Variants in ACSM2A observed in about 807,000 individuals in gnomAD.
The protein encoded by ACSM2A is acyl-CoA synthetase medium chain family member 2A, also known as acyl-coenzyme A synthetase ACSM2A, mitochondrial.
A neutral mutation model predicts 76.6 loss-of-function variants in ACSM2A; 72 were observed. That is an observed-to-expected ratio of 0.94 (90% CI 0.78 to 1.14). The LOEUF is 1.14. ACSM2A is among the 50% of genes most tolerant of loss of function. The pLI is 0.00. For missense variants in ACSM2A, 684 were observed against 708.5 expected, an observed-to-expected ratio of 0.97 and a Z score of 0.39; for synonymous variants, 249 against 255.9, an observed-to-expected ratio of 0.97 and a Z score of 0.26.
intron 1 of ACSM2A, chr16:20,453,114 G>A (rs1309207220): frequency 6.6e-6 from 1 of 151,984 alleles, no homozygotes; most frequent in Non-Finnish European, 1.5e-5. Context: ...AACTGAAATT[G>A]TGGAAAAATA....
At chr16:20,480,375 A>G (rs538753030) in intron 10 of ACSM2A, among the ~76,000 whole-genome samples, 198 bp from the exon 11 acceptor site, 1 of 152,332 alleles carries the variant, frequency 6.6e-6, no homozygotes, top group Admixed American at 6.5e-5. Context: ...CCCTGGGTGG[A>G]ATAACTTCAA....
At chr16:20,462,331 G>T (rs770374805) in intron 2 of ACSM2A, among the ~76,000 whole-genome samples, 1 of 152,152 alleles carries the variant, frequency 6.6e-6, no homozygotes, top group Admixed American at 6.5e-5. Context: ...TCACAAAGGG[G>T]TTTAGGTCCC....
At chr16:20,474,499 T>C (rs1190019377) in intron 6 of ACSM2A, among the ~76,000 whole-genome samples, 4 of 152,198 alleles carry the variant, frequency 2.6e-5, no homozygotes, top group Non-Finnish European at 5.9e-5. Flanking sequence ...CTTCTTGACC[T>C]TGGACTTTCC....
At chr16:20,469,883 T>G (rs1280052058) in intron 4 of ACSM2A, among the ~76,000 whole-genome samples, 164 bp downstream of exon 4, 19 of 148,616 alleles carry the variant, frequency 1.3e-4, no homozygotes, top group African/African-American at 4.1e-4. Flanking sequence ...TTTTTTTTTT[T>G]TTTTTTTTTT....
Position 20,483,163 on chromosome 16 carries a change from A to T in ACSM2A, c.1615A>T (p.Lys539Ter). The T allele has an allele frequency of 1.9e-6, 3 of 1,613,902 alleles. No individual in the cohort carries two copies. The highest frequency in any genetic ancestry group is 2.5e-6 in the Non-Finnish European group (3 of 1,179,888). Residue 539 changes from lysine (K) to a stop codon, truncating the protein, a stop_gained, in exon 13 of 14, where the codon AAG becomes TAG. Coordinates refer to ENST00000573854, the MANE Select transcript of ACSM2A (RefSeq NM_001308172.2). LOFTEE classifies it high-confidence loss of function. The stretch of plus-strand genomic sequence containing the variant: ...TGTGAAGTCAGTGACAGCCCCATAC[A>T]AGTACCCAAGAAAGGTAAGGCCTTT... ...QHVKSVTAPY[K>*]YPRKIEFVLN... is the part of the protein sequence containing the mutation.
chr16:20,471,937 C>G (rs1323484624), intron 6 of ACSM2A, among the ~76,000 whole-genome samples: 1 of 152,154 alleles, frequency 6.6e-6, no homozygotes, highest in Non-Finnish European at 1.5e-5. Context: ...CATTTGTTCA[C>G]TCAACAAATG....
intron 1 of ACSM2A, among the ~76,000 whole-genome samples, chr16:20,459,727 G>C (rs2012486836): frequency 1.3e-5 from 2 of 152,152 alleles, no homozygotes. Flanking sequence ...AAATGCACTG[G>C]GAAGTCACTT....
chr16:20,487,344 T>A lies in ACSM2A; in HGVS notation c.*666T>A, dbSNP rs2014431010. 6.6e-6 allele frequency: 1 copy of A among 152,252 alleles called. No individual in the cohort carries two copies. The highest frequency in any genetic ancestry group is 2.4e-5 in the African/African-American group (1 of 41,438). The allele number at this position is 152,252 out of a possible 1,614,324, so 9.4% of individuals were successfully genotyped here. A position where few individuals can be genotyped will look rare whatever the true frequency, so the allele number is the denominator to read the frequency against. Reference sequence around the variant, plus strand: ...GAAGGAAATGAAAGGCCGTGGCACCTTCTTATACCCTAGAAGAAGACCTCC... The same window carrying A: ...GAAGGAAATGAAAGGCCGTGGCACCATCTTATACCCTAGAAGAAGACCTCC... On this transcript the variant is annotated 3_prime_UTR_variant, in exon 14 of 14. Coordinates refer to ENST00000573854, the MANE Select transcript of ACSM2A (RefSeq NM_001308172.2).
chr16:20,484,779 A>G (rs1224294429), intron 13 of ACSM2A, among the ~76,000 whole-genome samples: 2 of 152,188 alleles, frequency 1.3e-5, no homozygotes, highest in Admixed American at 6.5e-5. Context: ...CAGGTGGATC[A>G]GGTATAGATG....
chr16:20,478,426 G>C (rs764045898), intron 9 of ACSM2A, 150 bp from the exon 10 acceptor site: 7 of 821,460 alleles, frequency 8.5e-6, no homozygotes, highest in Non-Finnish European at 1.3e-5. Flanking sequence ...CTGAGTTTAA[G>C]ACTCTTGGGT....
chr16:20,475,991 G>A, intron 8 of ACSM2A: 2 of 1,219,218 alleles, frequency 1.6e-6, no homozygotes, highest in Non-Finnish European at 2.1e-6. Context: ...GTGAGATTTG[G>A]GGAGAGAGAA....
At chr16:20,480,728 G>C in intron 11 of ACSM2A, 28 bp downstream of exon 11, 6 of 1,607,236 alleles carry the variant, frequency 3.7e-6, no homozygotes, top group Non-Finnish European at 5.1e-6. Context: ...GTTGGGAAGG[G>C]AAATCTGGGT....
chr16:20,470,799 T>C, intron 4 of ACSM2A: 1 of 616,692 alleles, frequency 1.6e-6, no homozygotes, highest in Non-Finnish European at 3.0e-6. Flanking sequence ...TAAGACTTGA[T>C]CTCACTTTTT....
At chr16:20,471,429 A>G (rs2271061) in intron 5 of ACSM2A, 107 bp from the exon 6 acceptor site, 477,970 of 1,498,942 alleles carry the variant, frequency 0.32, 86,382 homozygotes, top group East Asian at 0.81. Context: ...GCAGATACAC[A>G]CACACCTCTG....
intron 13 of ACSM2A, 144 bp from the exon 14 acceptor site, chr16:20,486,430 T>C (rs1289960576): frequency 2.8e-5 from 23 of 825,940 alleles, no homozygotes; most frequent in South Asian, 1.4e-4. Flanking sequence ...CCCAGAGCAC[T>C]TTCTGAAGCT....
intron 1 of ACSM2A, among the ~76,000 whole-genome samples, chr16:20,452,651 T>G (rs2011846631): frequency 7.0e-6 from 1 of 142,434 alleles, no homozygotes; most frequent in Non-Finnish European, 1.5e-5. Context: ...TAGAGAACCC[T>G]GACTAATACA....
rs1567365569 is a variant in ACSM2A, at chr16:20,469,870, G to GTTT, written c.596+152_596+153insTTT. 42 of 617,862 alleles carry GTTT rather than the reference G, an allele frequency of 6.8e-5. 1 individual carries two copies. The highest frequency in any genetic ancestry group is 1.5e-4 in the African/African-American group (7 of 46,072). The allele number at this position is 617,862 out of a possible 1,614,324, so 38.3% of individuals were successfully genotyped here. A position where few individuals can be genotyped will look rare whatever the true frequency, so the allele number is the denominator to read the frequency against. ...GGAAGAAATAAAAGCTAACACAAGG[G>GTTT]TATTTTTTTTTTTTTTTTTTTTTTT... On this transcript the variant is annotated intron_variant, in intron 4 of 13. Transcript: ENST00000573854.
In ACSM2A at chr16:20,480,836, C is replaced by G. The variant is rs748455504; in HGVS notation, c.1424C>G (p.Pro475Arg). The G allele has an allele frequency of 1.2e-6, 2 of 1,613,842 alleles. No individual in the cohort carries two copies. Among genetic ancestry groups the G allele is most frequent in the Non-Finnish European group, 1.7e-6 (2 of 1,179,852 alleles). Reference protein sequence around the residue: ...IINSSGYRIGPSEVENALMEH... With the variant: ...IINSSGYRIGRSEVENALMEH... ...TTCTTCTGCAGGTACCGGATTGGACCCTCGGAGGTAGAGAATGCACTGATG... is the reference window on the plus strand; with the variant it reads ...TTCTTCTGCAGGTACCGGATTGGACGCTCGGAGGTAGAGAATGCACTGATG... Residue 475 changes from proline (P) to arginine (R), a missense_variant, in exon 12 of 14, where the codon CCC (proline) becomes CGC (arginine). This residue lies in a region of ACSM2A where 159 missense variants were observed against 132.5 expected (regional missense o/e 1.20). Transcript: ENST00000573854.
chr16:20,472,322 C>A (rs2013466124), intron 6 of ACSM2A, among the ~76,000 whole-genome samples: 1 of 152,122 alleles, frequency 6.6e-6, no homozygotes, highest in Non-Finnish European at 1.5e-5. Context: ...CCTGGGGAAG[C>A]CCTCTCTTCC....
Sources: allele counts gnomAD v4.1 joint callset (sites outside exome capture counted in the v4.1 genomes callset), GRCh38; gene constraint gnomAD v4.1.1; regional missense constraint gnomAD v4.1.1; transcripts MANE v1.5; gene names NCBI Gene and HGNC (gene_info 2026-07-23, HGNC 2026-07-21).